The following UNC5D variants were observed in gnomAD, a reference collection of about 807,000 sequenced individuals.
UNC5D encodes netrin receptor UNC5D.
UNC5D carries 39 observed loss-of-function variants against 105.4 expected under a neutral mutation model. That is an observed-to-expected ratio of 0.37 (90% CI 0.29 to 0.48). UNC5D has a LOEUF of 0.48. UNC5D is among the 20% of genes least tolerant of loss of function. The pLI, the probability that UNC5D is intolerant of heterozygous loss-of-function variation, is 0.98. For missense variants in UNC5D, 991 were observed against 1,202.4 expected (o/e 0.82, Z 2.60); for synonymous variants, 452 against 450.4 (o/e 1.00, Z -0.04).
intron 4 of UNC5D, among the ~76,000 whole-genome samples, chr8:35,633,219 A>T (rs536675930): frequency 2.6e-5 from 4 of 152,292 alleles, no homozygotes; most frequent in Admixed American, 6.5e-5. Context: ...TTGGTAACAC[A>T]ACTCTACAAT....
chr8:35,302,772 A>T (rs1437543132), intron 1 of UNC5D, among the ~76,000 whole-genome samples: 4 of 152,216 alleles, frequency 2.6e-5, no homozygotes, highest in Non-Finnish European at 5.9e-5. Flanking sequence ...TAAATATTGC[A>T]CAAGATAAGT....
intron 4 of UNC5D, among the ~76,000 whole-genome samples, chr8:35,682,538 T>A (rs1825738860): frequency 6.6e-6 from 1 of 152,186 alleles, no homozygotes; most frequent in South Asian, 2.1e-4. Flanking sequence ...AAACAAGAGA[T>A]GTGTCTAGTA....
intron 6 of UNC5D, 29 bp from the exon 7 acceptor site, chr8:35,686,516 A>C (rs746178296): frequency 6.5e-7 from 1 of 1,535,988 alleles, no homozygotes; most frequent in Admixed American, 2.4e-5. Flanking sequence ...ATTCATTCTA[A>C]CAATGGTTTC....
intron 1 of UNC5D, chr8:35,525,176 T>C: frequency 6.2e-7 from 1 of 1,610,204 alleles, no homozygotes; most frequent in Non-Finnish European, 8.5e-7. Context: ...GTGTACGGAC[T>C]CAGGATGACA....
At chr8:35,512,680 G>C (rs1160876363) in intron 1 of UNC5D, among the ~76,000 whole-genome samples, 1 of 148,032 alleles carries the variant, frequency 6.8e-6, no homozygotes, top group Non-Finnish European at 1.5e-5. Flanking sequence ...CTCCTCCCCT[G>C]GTCTTGCATA....
At chr8:35,456,703 T>C (rs929173918) in intron 1 of UNC5D, among the ~76,000 whole-genome samples, 2 of 152,206 alleles carry the variant, frequency 1.3e-5, no homozygotes, top group African/African-American at 4.8e-5. Context: ...ATTGATGTAA[T>C]TGACCTCATC....
intron 1 of UNC5D, among the ~76,000 whole-genome samples, chr8:35,274,695 T>A (rs1338184328): frequency 6.6e-6 from 1 of 152,224 alleles, no homozygotes; most frequent in African/African-American, 2.4e-5. Context: ...TGCAGCTTTA[T>A]GATGTAAAAG....
At chr8:35,771,921 TGCA>T (rs2131730976) in intron 15 of UNC5D, among the ~76,000 whole-genome samples, 1 of 152,242 alleles carries the variant, frequency 6.6e-6, no homozygotes, top group Admixed American at 6.5e-5. Flanking sequence ...TCTATACAAA[TGCA>T]AAATAACTGA....
rs187503301 is a variant in UNC5D at position 35,791,610 on chromosome 8, T to C, written c.*1047T>C. 8 of 152,304 alleles carry C rather than the reference T, an allele frequency of 5.3e-5. No homozygotes were observed. The highest frequency in any genetic ancestry group is 1.7e-4 in the African/African-American group (7 of 41,560). 9.4% of individuals were successfully genotyped at this position (152,304 alleles called of 1,614,324 possible). A position where few individuals can be genotyped will look rare whatever the true frequency, so the allele number is the denominator to read the frequency against. ...GTGGGTACTGTGTCATCACAAAATC[T>C]CTCAGTAAGGCTATATGTGATCCTC... On this transcript the variant is annotated 3_prime_UTR_variant, in exon 17 of 17. Coordinates refer to ENST00000404895, the MANE Select transcript of UNC5D (RefSeq NM_080872.4).
In UNC5D at chr8:35,603,266, G is replaced by T. The variant is rs567414183; in HGVS notation, c.570+7609G>T. ...TTATGTCTTTGTTCTCGGTTTCAAAGAACATCTTTATTTCTGTCTTCATTT... is the reference window on the plus strand; with the variant it reads ...TTATGTCTTTGTTCTCGGTTTCAAATAACATCTTTATTTCTGTCTTCATTT... On this transcript the variant is annotated intron_variant, in intron 4 of 16. Transcript: ENST00000404895. Among the ~76,000 whole-genome samples, 4 of 152,064 alleles carry T rather than the reference G, an allele frequency of 2.6e-5. No individual in the cohort carries two copies. In the South Asian group the frequency reaches 8.3e-4, roughly 32 times the overall value.
At chr8:35,529,364 T>C (rs1478032981) in intron 1 of UNC5D, among the ~76,000 whole-genome samples, 1 of 140,242 alleles carries the variant, frequency 7.1e-6, no homozygotes, top group Non-Finnish European at 1.5e-5. Flanking sequence ...GTTGTAGATA[T>C]GCGGCGTTAT....
At chr8:35,547,766 G>T (rs913117696) in intron 1 of UNC5D, among the ~76,000 whole-genome samples, 1 of 152,118 alleles carries the variant, frequency 6.6e-6, no homozygotes, top group Non-Finnish European at 1.5e-5. Context: ...GACTCTCTTC[G>T]GAGAGTTGGA....
chr8:35,369,098 T>G (rs1802289807), intron 1 of UNC5D, among the ~76,000 whole-genome samples: 1 of 152,202 alleles, frequency 6.6e-6, no homozygotes, highest in Non-Finnish European at 1.5e-5. Context: ...ATAATATATC[T>G]TTATCTTCAA....
intron 3 of UNC5D, among the ~76,000 whole-genome samples, chr8:35,569,593 C>A (rs1280639233): frequency 6.6e-6 from 1 of 152,166 alleles, no homozygotes; most frequent in Non-Finnish European, 1.5e-5. Context: ...ACCTCACAAG[C>A]CAGGCTCTTG....
At chr8:35,469,618 C>A (rs1272127766) in intron 1 of UNC5D, among the ~76,000 whole-genome samples, 6 of 152,296 alleles carry the variant, frequency 3.9e-5, no homozygotes. Context: ...ATAATACCAA[C>A]TGCTCAATTA....
chr8:35,756,245 C>T (rs56280904), intron 13 of UNC5D, among the ~76,000 whole-genome samples: 11,413 of 151,940 alleles, frequency 0.075, 1,167 homozygotes, highest in African/African-American at 0.23. Context: ...ATATTGTTGG[C>T]TCAATATGCG....
intron 14 of UNC5D, 29 bp from the exon 15 acceptor site, chr8:35,766,873 A>G: frequency 6.3e-7 from 1 of 1,595,732 alleles, no homozygotes; most frequent in Non-Finnish European, 8.6e-7. Flanking sequence ...GGCTCTGCAC[A>G]CCATCCCTTC....
chr8:35,399,145 C>CAAA (rs1029547730), intron 1 of UNC5D, among the ~76,000 whole-genome samples: 19 of 54,622 alleles, frequency 3.5e-4, no homozygotes, highest in South Asian at 6.6e-4. Context: ...ACTCCATCTC[C>CAAA]AAAAAAAAAA....
Position 35,684,730 on chromosome 8 carries a change from C to G in UNC5D, c.900C>G (p.Thr300=), listed in dbSNP as rs370616806. The G allele has an allele frequency of 3.8e-5, 61 of 1,613,190 alleles. No individual in the cohort carries two copies. The highest frequency in any genetic ancestry group is 3.2e-5 in the Non-Finnish European group (38 of 1,179,624). ...FCEGMSVQKI[T]CTSLCPVDGS... Reference sequence around the variant, plus strand: ...AGGGAATGTCAGTGCAGAAAATAACCTGCACTTCTCTTTGTCCTGGTGAGA... The same window carrying G: ...AGGGAATGTCAGTGCAGAAAATAACGTGCACTTCTCTTTGTCCTGGTGAGA... The change falls in exon 6 of 17, where the codon ACC becomes ACG. Residue 300 remains threonine (T), a synonymous_variant. Coordinates refer to ENST00000404895, the MANE Select transcript of UNC5D (RefSeq NM_080872.4).
Sources: gnomAD v4.1 joint callset for allele counts (sites outside exome capture counted in the v4.1 genomes callset) on GRCh38, gnomAD v4.1.1 for gene constraint, MANE v1.5 for transcripts, NCBI Gene and HGNC (gene_info 2026-07-23, HGNC 2026-07-21) for gene names.